STK3: variants seen among roughly 807,000 people sequenced by gnomAD.
The protein encoded by STK3 is serine/threonine-protein kinase 3.
In STK3, 41 loss-of-function variants were observed where a neutral mutation model predicts 58.0. That is an observed-to-expected ratio of 0.71 (90% CI 0.55 to 0.92). STK3 has a LOEUF of 0.92. STK3 is among the 40% of genes least tolerant of loss of function. The pLI, the probability that STK3 is intolerant of heterozygous loss-of-function variation, is 0.00. For missense variants in STK3, 479 were observed against 602.7 expected, an observed-to-expected ratio of 0.79 and a Z score of 2.15; for synonymous variants, 170 against 191.0, an observed-to-expected ratio of 0.89 and a Z score of 0.91.
chr8:98,701,417 A>T (rs1716195926), intron 6 of STK3, among the ~76,000 whole-genome samples: 1 of 152,106 alleles, frequency 6.6e-6, no homozygotes, highest in South Asian at 2.1e-4. Flanking sequence ...CAGGAGTTCA[A>T]GATCAGTCTG....
the STK3 span, among the ~76,000 whole-genome samples, chr8:98,346,096 G>T: frequency 6.6e-6 from 1 of 151,968 alleles, no homozygotes; most frequent in Non-Finnish European, 1.5e-5. Context: ...GACCAGCCTG[G>T]CCAACATGGT....
At chr8:98,915,432 C>CTATAAATATATATATA (rs1839307013) in intron 1 of STK3, among the ~76,000 whole-genome samples, 1 of 94,720 alleles carries the variant, frequency 1.1e-5, no homozygotes, top group East Asian at 3.5e-4. Flanking sequence ...ATAAACTTTC[C>CTATAAATATATATATA]TATATATATA....
At chr8:98,630,322 T>C (rs1046221280) in intron 6 of STK3, among the ~76,000 whole-genome samples, 10 of 152,048 alleles carry the variant, frequency 6.6e-5, no homozygotes, top group South Asian at 2.1e-4. Flanking sequence ...AGCACGTACT[T>C]AGAGAATAAA....
At chr8:98,538,156 T>C (rs984564875) in intron 9 of STK3, among the ~76,000 whole-genome samples, 1 of 152,224 alleles carries the variant, frequency 6.6e-6, no homozygotes, top group Non-Finnish European at 1.5e-5. Context: ...TTATGAAGAT[T>C]ACCTAATTTG....
chr8:98,935,317 C>T (rs1419222046), intron 1 of STK3, among the ~76,000 whole-genome samples: 1 of 152,180 alleles, frequency 6.6e-6, no homozygotes, highest in African/African-American at 2.4e-5. Flanking sequence ...AGAAGCTATC[C>T]ACCATATTGA....
At chr8:98,491,302 A>G (rs769237891) in intron 10 of STK3, among the ~76,000 whole-genome samples, 1 of 152,224 alleles carries the variant, frequency 6.6e-6, no homozygotes, top group Non-Finnish European at 1.5e-5. Context: ...CAAATAAATG[A>G]TGATGAAACC....
At chr8:98,695,019 C>T (rs921299560) in intron 6 of STK3, among the ~76,000 whole-genome samples, 2 of 152,136 alleles carry the variant, frequency 1.3e-5, no homozygotes, top group Non-Finnish European at 2.9e-5. Flanking sequence ...CCTGTTGTTT[C>T]CTGACTTTTT....
At chr8:98,847,311 A>G (rs1374948996) in intron 3 of STK3, among the ~76,000 whole-genome samples, 1 of 152,204 alleles carries the variant, frequency 6.6e-6, no homozygotes, top group Non-Finnish European at 1.5e-5. Flanking sequence ...CCACCATTCT[A>G]TAGCATATAC....
At chr8:98,513,187 C>T (rs1253043712) in intron 10 of STK3, among the ~76,000 whole-genome samples, 1 of 152,092 alleles carries the variant, frequency 6.6e-6, no homozygotes. Flanking sequence ...ACAAGCACCA[C>T]CTATCTTGAA....
At chr8:98,695,920 T>C (rs975900286) in intron 6 of STK3, among the ~76,000 whole-genome samples, 12 of 152,168 alleles carry the variant, frequency 7.9e-5, no homozygotes, top group African/African-American at 2.9e-4. Context: ...GGTAGCTTGA[T>C]GGGGATGGCA....
intron 8 of STK3, among the ~76,000 whole-genome samples, chr8:98,563,990 G>GA (rs1812269753): frequency 2.0e-5 from 3 of 152,026 alleles, no homozygotes; most frequent in African/African-American, 7.2e-5. Context: ...CTTCCAAAGA[G>GA]TACAGTATGA....
intron 7 of STK3, among the ~76,000 whole-genome samples, chr8:98,594,106 G>A (rs186678953): frequency 2.6e-5 from 4 of 152,216 alleles, no homozygotes; most frequent in South Asian, 2.1e-4. Flanking sequence ...CCAGGAGTTC[G>A]AGACTAGCCT....
Position 98,596,048 on chromosome 8 carries a change from G to A in STK3, c.806C>T (p.Ala269Val), listed in dbSNP as rs767919046. 1.9e-6 allele frequency: 3 copies of A among 1,613,224 alleles called. No individual in the cohort carries two copies. Among genetic ancestry groups the A allele is most frequent in the Non-Finnish European group, 2.5e-6 (3 of 1,179,542 alleles). The change falls in exon 7 of 11, where the codon GCA becomes GTA. Residue 269 changes from alanine (A) to valine (V), a missense_variant. Ala to Val is a moderately conservative substitution (Grantham distance 64, BLOSUM62 0). Coordinates refer to ENST00000419617, the MANE Select transcript of STK3 (RefSeq NM_006281.4). ...LVKNPEQRAT[A>V]TQLLQHPFIK... ...AGCACTGACCTGTAAAAGTTGTGTT[G>A]CAGTAGCTCTCTGCTCAGGATTCTT...
At chr8:98,472,337 T>C (rs1820987396) in intron 10 of STK3, among the ~76,000 whole-genome samples, 1 of 152,224 alleles carries the variant, frequency 6.6e-6, no homozygotes, top group African/African-American at 2.4e-5. Context: ...AAGTCAATGA[T>C]GCTTAAAAAC....
At chr8:98,919,928 C>T (rs1374700012) in intron 1 of STK3, among the ~76,000 whole-genome samples, 3 of 152,076 alleles carry the variant, frequency 2.0e-5, no homozygotes, top group Non-Finnish European at 4.4e-5. Context: ...GCCTTTTGTC[C>T]CCTGCACATT....
At chr8:98,819,556 G>C (rs929985803) in intron 1 of STK3, among the ~76,000 whole-genome samples, 1 of 152,136 alleles carries the variant, frequency 6.6e-6, no homozygotes, top group African/African-American at 2.4e-5. Context: ...ATGCTTTAGG[G>C]ACCAAGTTGT....
intron 10 of STK3, among the ~76,000 whole-genome samples, chr8:98,461,670 G>T (rs754413458): frequency 6.6e-6 from 1 of 152,084 alleles, no homozygotes; most frequent in South Asian, 2.1e-4. Context: ...TTCTCGTAGG[G>T]ATGCTCTGGT....
chr8:98,856,155 C>CAAAAAA (rs60632558), intron 3 of STK3, among the ~76,000 whole-genome samples: 87 of 54,052 alleles, frequency 1.6e-3, no homozygotes, highest in Non-Finnish European at 2.5e-3. Context: ...GACTCCATCT[C>CAAAAAA]AAAAAAAAAA....
chr8:98,546,280 GGTATA>G lies in STK3; in HGVS notation c.1141+1684_1141+1688del, dbSNP rs939901656. ...ACTATACAAAATGTCAGAAATCTGT[GGTATA>G]AAGTATGATGTCGGAAACATCATCA... is the stretch of plus-strand genomic sequence containing the variant. On this transcript the variant is annotated intron_variant, in intron 9 of 10. Transcript: ENST00000419617. Among the ~76,000 whole-genome samples, 69 of 152,060 alleles carry G rather than the reference GGTATA, an allele frequency of 4.5e-4. 1 individual carries two copies. The highest frequency in any genetic ancestry group is 1.3e-3 in the African/African-American group (56 of 41,482).
Sources: gnomAD v4.1 joint callset for allele counts (sites outside exome capture counted in the v4.1 genomes callset) on GRCh38, gnomAD v4.1.1 for gene constraint, MANE v1.5 for transcripts, NCBI Gene and HGNC (gene_info 2026-07-23, HGNC 2026-07-21) for gene names.